Variants in DACH1 observed in about 807,000 individuals in gnomAD.
DACH1 encodes dachshund homolog 1.
Under a neutral mutation model 54.2 loss-of-function variants are expected in DACH1, and 12 were observed. The ratio of observed to expected loss-of-function variants is 0.22; its 90% confidence interval spans 0.14 to 0.36. The LOEUF (loss-of-function observed/expected upper bound fraction) is 0.36, where lower values mean the gene tolerates loss of function less well. Among genes scored for constraint, DACH1 ranks in the 10% least tolerant of loss-of-function variants. The pLI is 1.00. For missense variants in DACH1, 805 were observed against 929.8 expected, an observed-to-expected ratio of 0.87 and a Z score of 1.75; for synonymous variants, 386 against 366.2, an observed-to-expected ratio of 1.05 and a Z score of -0.62.
intron 1 of DACH1, among the ~76,000 whole-genome samples, chr13:71,861,088 T>C (rs1874318550): frequency 1.3e-5 from 2 of 151,822 alleles, no homozygotes; most frequent in African/African-American, 4.8e-5. Flanking sequence ...GGTTAATATT[T>C]GTCCCAGTAG....
intron 6 of DACH1, among the ~76,000 whole-genome samples, chr13:71,505,770 G>C (rs781243518): frequency 8.5e-5 from 13 of 152,146 alleles, no homozygotes; most frequent in Middle Eastern, 3.4e-3. Flanking sequence ...AAAAAACCAG[G>C]TAGAAACTGA....
intron 1 of DACH1, among the ~76,000 whole-genome samples, chr13:71,821,049 G>A (rs1046003562): frequency 1.3e-5 from 2 of 152,134 alleles, no homozygotes; most frequent in African/African-American, 4.8e-5. Flanking sequence ...AGAAAGCCAG[G>A]ACTAACCGGA....
intron 1 of DACH1, among the ~76,000 whole-genome samples, chr13:71,748,900 CTT>C (rs1163961229): frequency 0.046 from 1,008 of 22,110 alleles, 36 homozygotes; most frequent in African/African-American, 0.089. Flanking sequence ...CTTTCTTTCT[CTT>C]TCTTTCTTTC....
intron 6 of DACH1, among the ~76,000 whole-genome samples, chr13:71,545,029 G>A (rs1194946963): frequency 2.0e-5 from 3 of 152,026 alleles, no homozygotes; most frequent in African/African-American, 7.2e-5. Context: ...TCTGTTTTCT[G>A]ATAGGACCCT....
At chr13:71,621,809 C>T (rs118185911) in intron 3 of DACH1, among the ~76,000 whole-genome samples, 1,859 of 152,062 alleles carry the variant, frequency 0.012, 19 homozygotes, top group Non-Finnish European at 0.02. Context: ...AAACCGTATC[C>T]GTTTCATTAG....
In DACH1 at chr13:71,866,280, A is replaced by AGCT. The variant is rs749616740; in HGVS notation, c.487_489dup (p.Ser163dup). 3.8e-6 allele frequency: 6 copies of AGCT among 1,583,724 alleles called. No individual in the cohort carries two copies. The highest frequency in any genetic ancestry group is 1.8e-5 in the Admixed American group (1 of 55,032). On this transcript the variant is annotated inframe_insertion, in exon 1 of 11. Coordinates refer to ENST00000613252, the MANE Select transcript of DACH1 (RefSeq NM_080759.6). Reference sequence around the variant, plus strand: ...ACGGGTTTCCCGGGGAGGGGGCCGCAGCTGCTGCTGCTACTGCTGCTGCTG... The same window carrying AGCT: ...ACGGGTTTCCCGGGGAGGGGGCCGCAGCTGCTGCTGCTGCTACTGCTGCTGCTG...
chr13:71,674,960 C>A (rs1880459739), intron 2 of DACH1: 2 of 679,912 alleles, frequency 2.9e-6, no homozygotes, highest in Non-Finnish European at 5.3e-6. Context: ...AAACGGTGTT[C>A]GCAGCCGCCA....
At chr13:71,808,216 A>T (rs748462499) in intron 1 of DACH1, among the ~76,000 whole-genome samples, 3 of 152,084 alleles carry the variant, frequency 2.0e-5, no homozygotes, top group Non-Finnish European at 4.4e-5. Flanking sequence ...GAATTTTTGG[A>T]ATTAATTTAA....
chr13:71,798,402 ACATATGAAGAAGTACTTAAGGTG>A (rs1450305312), intron 1 of DACH1, among the ~76,000 whole-genome samples: 1 of 148,474 alleles, frequency 6.7e-6, no homozygotes, highest in Admixed American at 6.7e-5. Context: ...TCTTATGCAA[ACATATGAAGAAGTACTTAAGGTG>A]CATTCATACA....
intron 6 of DACH1, among the ~76,000 whole-genome samples, chr13:71,528,425 C>CTTTTTT (rs71198120): frequency 4.5e-5 from 5 of 111,122 alleles, no homozygotes; most frequent in South Asian, 3.1e-4. Context: ...AACAGATTTT[C>CTTTTTT]TTTTTTTTTT....
chr13:71,699,172 G>C (rs541131233), intron 1 of DACH1, among the ~76,000 whole-genome samples: 1 of 152,092 alleles, frequency 6.6e-6, no homozygotes. Flanking sequence ...GGCAAATTCA[G>C]CTTTCAAAAG....
intron 2 of DACH1, among the ~76,000 whole-genome samples, chr13:71,652,400 T>C (rs1256139696): frequency 2.0e-5 from 3 of 152,072 alleles, no homozygotes; most frequent in Admixed American, 2.0e-4. Context: ...AAACACCTTA[T>C]CTATAGCAAT....
At chr13:71,709,249 C>G (rs1327243612) in intron 1 of DACH1, among the ~76,000 whole-genome samples, 1 of 151,768 alleles carries the variant, frequency 6.6e-6, no homozygotes, top group Admixed American at 6.6e-5. Context: ...ATAAAATTTT[C>G]CCTTGATTAA....
chr13:71,503,080 G>A (rs1027119352), intron 6 of DACH1, among the ~76,000 whole-genome samples: 1 of 152,110 alleles, frequency 6.6e-6, no homozygotes, highest in Non-Finnish European at 1.5e-5. Flanking sequence ...AGGCAGCACC[G>A]TATGTAAATG....
Position 71,866,440 on chromosome 13 carries a change from G to A in DACH1, c.330C>T (p.Ala110=), listed in dbSNP as rs1471782989. Residue 110 remains alanine (A), a synonymous_variant, in exon 1 of 11, where the codon GCC becomes GCT. Transcript: ENST00000613252. ...CGCCGCCGCCGCTGCCGTTGCTCGC[G>A]GCCGCCAGGTTGGGGTTGCAGTTGC... ...GGSNCNPNLA[A]ASNGSGGGGG... 4 of 1,406,512 alleles carry A rather than the reference G, an allele frequency of 2.8e-6. No individual in the cohort carries two copies. The African/African-American group carries it at 6.0e-5, about 21-fold the overall frequency. 87.1% of individuals were successfully genotyped at this position (1,406,512 alleles called of 1,614,324 possible).
chr13:71,748,908 C>CT (rs769101284), intron 1 of DACH1, among the ~76,000 whole-genome samples: 1 of 30,870 alleles, frequency 3.2e-5, no homozygotes, highest in Non-Finnish European at 1.2e-4. Flanking sequence ...CTCTTTCTTT[C>CT]TTTCTTTCTT....
chr13:71,832,711 T>C (rs188520342), intron 1 of DACH1, among the ~76,000 whole-genome samples: 1 of 151,902 alleles, frequency 6.6e-6, no homozygotes, highest in Non-Finnish European at 1.5e-5. Context: ...AAATAAGACA[T>C]CTTCTACTAC....
At chr13:71,729,406 C>T (rs1416726649) in intron 1 of DACH1, among the ~76,000 whole-genome samples, 2 of 151,994 alleles carry the variant, frequency 1.3e-5, no homozygotes, top group African/African-American at 4.8e-5. Flanking sequence ...AAGGACACCA[C>T]TCCTCTTTAG....
At chr13:71,653,351 GAAC>G (rs1404545477) in intron 2 of DACH1, among the ~76,000 whole-genome samples, 1 of 152,174 alleles carries the variant, frequency 6.6e-6, no homozygotes, top group Non-Finnish European at 1.5e-5. Context: ...TCTACCAAAA[GAAC>G]AACAAAACAA....
Sources: gnomAD v4.1 joint callset for allele counts (sites outside exome capture counted in the v4.1 genomes callset) on GRCh38, gnomAD v4.1.1 for gene constraint, MANE v1.5 for transcripts, NCBI Gene and HGNC (gene_info 2026-07-23, HGNC 2026-07-21) for gene names.